Variants in GTF2F2 observed in about 807,000 individuals in gnomAD.
GTF2F2 encodes ATP-dependent helicase GTF2F2.
A neutral mutation model predicts 42.2 loss-of-function variants in GTF2F2; 23 were observed. That is an observed-to-expected ratio of 0.55 (90% CI 0.39 to 0.77). GTF2F2 has a LOEUF of 0.77. Among genes scored for constraint, GTF2F2 ranks in the 30% least tolerant of loss-of-function variants. The probability of loss-of-function intolerance (pLI) is 0.00; values close to 1 mark genes in which losing one functional copy is unlikely to be tolerated. For synonymous variants in GTF2F2, 105 were observed against 100.8 expected, an observed-to-expected ratio of 1.04 and a Z score of -0.25; for missense variants, 261 against 287.2, an observed-to-expected ratio of 0.91 and a Z score of 0.66.
At chr13:45,165,331 ATT>A (rs1555265772) in intron 4 of GTF2F2, among the ~76,000 whole-genome samples, 4 of 136,912 alleles carry the variant, frequency 2.9e-5, no homozygotes, top group Admixed American at 1.4e-4. Flanking sequence ...ATATATATAT[ATT>A]TTTTTTTTCT....
chr13:45,184,394 GC>G (rs869094095), intron 4 of GTF2F2, among the ~76,000 whole-genome samples: 1 of 144,922 alleles, frequency 6.9e-6, no homozygotes, highest in Non-Finnish European at 1.5e-5. Context: ...ATTCCCCCCC[GC>G]CCTTTTTTTT....
intron 4 of GTF2F2, among the ~76,000 whole-genome samples, chr13:45,197,151 A>T (rs1057207434): frequency 1.3e-5 from 2 of 151,794 alleles, no homozygotes; most frequent in Admixed American, 6.6e-5. Flanking sequence ...CCTGGCTTAT[A>T]CAAATCCATA....
At chr13:45,144,668 C>G (rs1488569237) in intron 2 of GTF2F2, among the ~76,000 whole-genome samples, 1 of 151,808 alleles carries the variant, frequency 6.6e-6, no homozygotes, top group African/African-American at 2.4e-5. Flanking sequence ...GTCTCGATCT[C>G]CTGACCTCGT....
At chr13:45,272,008 A>G (rs1163509889) in intron 7 of GTF2F2, among the ~76,000 whole-genome samples, 2 of 151,640 alleles carry the variant, frequency 1.3e-5, no homozygotes, top group African/African-American at 4.8e-5. Context: ...CCACTGACAT[A>G]TATTCACTTG....
chr13:45,249,580 C>A (rs913984255), intron 5 of GTF2F2, among the ~76,000 whole-genome samples: 1 of 152,064 alleles, frequency 6.6e-6, no homozygotes, highest in Non-Finnish European at 1.5e-5. Flanking sequence ...AATAAGCTAC[C>A]GTTTATAAAG....
At chr13:45,249,527 A>T (rs1293421090) in intron 5 of GTF2F2, among the ~76,000 whole-genome samples, 1 of 152,202 alleles carries the variant, frequency 6.6e-6, no homozygotes, top group Non-Finnish European at 1.5e-5. Flanking sequence ...CTGAGTCTGG[A>T]TGCAGTGGCT....
At chr13:45,279,037 G>GA (rs1877151045) in intron 7 of GTF2F2, among the ~76,000 whole-genome samples, 3 of 151,792 alleles carry the variant, frequency 2.0e-5, no homozygotes, top group Admixed American at 6.6e-5. Flanking sequence ...TTGGCCGGCT[G>GA]GTCTTGAATT....
intron 4 of GTF2F2, among the ~76,000 whole-genome samples, chr13:45,158,665 A>G (rs1870885818): frequency 1.3e-5 from 2 of 151,938 alleles, no homozygotes; most frequent in Admixed American, 6.5e-5. Context: ...TTCTTCCTTC[A>G]TTTAGACTTG....
At chr13:45,139,857 C>T (rs1161308707) in intron 2 of GTF2F2, among the ~76,000 whole-genome samples, 1 of 152,146 alleles carries the variant, frequency 6.6e-6, no homozygotes, top group Non-Finnish European at 1.5e-5. Flanking sequence ...TCAGTACCTG[C>T]AGGAGATTGG....
intron 6 of GTF2F2, among the ~76,000 whole-genome samples, chr13:45,256,802 A>AT (rs1284237173): frequency 3.3e-5 from 5 of 152,178 alleles, no homozygotes; most frequent in African/African-American, 1.2e-4. Context: ...TTAATAAAAA[A>AT]TTTTAACTCG....
chr13:45,127,638 GT>G (rs989683605), intron 1 of GTF2F2, among the ~76,000 whole-genome samples: 1 of 150,178 alleles, frequency 6.7e-6, no homozygotes, highest in Admixed American at 6.6e-5. Flanking sequence ...CCCTGGCCTT[GT>G]TTTTTTTTGG....
chr13:45,167,394 C>CTCTTT (rs1401944955), intron 4 of GTF2F2, among the ~76,000 whole-genome samples: 1 of 108,808 alleles, frequency 9.2e-6, no homozygotes, highest in Non-Finnish European at 2.0e-5. Flanking sequence ...TTTCACCCAG[C>CTCTTT]TATTTTTTTT....
chr13:45,269,035 C>T (rs1024410909), intron 7 of GTF2F2, among the ~76,000 whole-genome samples: 1 of 152,104 alleles, frequency 6.6e-6, no homozygotes, highest in African/African-American at 2.4e-5. Flanking sequence ...ATGAATTGTT[C>T]TGGGGAACAT....
At chr13:45,212,447 GTTTC>G (rs1555269188) in intron 5 of GTF2F2, among the ~76,000 whole-genome samples, 3 of 45,678 alleles carry the variant, frequency 6.6e-5, no homozygotes, top group Non-Finnish European at 1.3e-4. Context: ...TTTCTTTCTT[GTTTC>G]TTTCTTTCTT....
In GTF2F2 at chr13:45,267,783, C is replaced by G. The variant is rs138095228; in HGVS notation, c.630+407C>G. Among the ~76,000 whole-genome samples the G allele has an allele frequency of 2.7e-5, 4 of 147,632 alleles. No individual in the cohort carries two copies. The East Asian group carries it at 5.9e-4, about 22-fold the overall frequency. On this transcript the variant is annotated intron_variant, in intron 7 of 7. Transcript: ENST00000340473. ...GTTTTGTCATTGTGGGAGGGTTTATCCCTGTCTTGTGAATTGTTTTCTGTG... is the reference window on the plus strand; with the variant it reads ...GTTTTGTCATTGTGGGAGGGTTTATGCCTGTCTTGTGAATTGTTTTCTGTG...
In GTF2F2 at chr13:45,181,200, A is replaced by AAAAAAAAAC. The variant is rs766375703; in HGVS notation, c.305-26221_305-26220insAAAAACAAA. ...AAAAAACAAACAAACAAAAAAAAAA[A>AAAAAAAAAC]AAACCAGAAAAACCAAAGGTGATAT... is the stretch of plus-strand genomic sequence containing the variant. On this transcript the variant is annotated intron_variant, in intron 4 of 7. Coordinates refer to ENST00000340473, the MANE Select transcript of GTF2F2 (RefSeq NM_004128.3). 7.8e-4 allele frequency among the ~76,000 whole-genome samples: 103 copies of AAAAAAAAAC among 132,870 alleles called. 3 individuals carry two copies. Among genetic ancestry groups the AAAAAAAAAC allele is most frequent in the Middle Eastern group, 3.8e-3 (1 of 262 alleles). 87.2% of individuals were successfully genotyped at this position (132,870 alleles called of 152,430 possible).
intron 5 of GTF2F2, among the ~76,000 whole-genome samples, chr13:45,242,159 A>G (rs1400906027): frequency 1.3e-5 from 2 of 151,282 alleles, no homozygotes; most frequent in Non-Finnish European, 2.9e-5. Flanking sequence ...TATCTTTTTC[A>G]TATTAGTAAA....
intron 4 of GTF2F2, chr13:45,194,828 GTCTA>G: frequency 6.4e-6 from 3 of 466,496 alleles, no homozygotes; most frequent in Admixed American, 3.8e-5. Flanking sequence ...GGATTTTCAT[GTCTA>G]TCCTTTGAAG....
At chr13:45,124,010 T>A (rs1460300306) in intron 1 of GTF2F2, 10 of 1,101,986 alleles carry the variant, frequency 9.1e-6, no homozygotes, top group Non-Finnish European at 1.2e-5. Context: ...GGTCCAGGGG[T>A]CTTACTCCTT....
Sources: gnomAD v4.1 joint callset for allele counts (sites outside exome capture counted in the v4.1 genomes callset) on GRCh38, gnomAD v4.1.1 for gene constraint, MANE v1.5 for transcripts, NCBI Gene and HGNC (gene_info 2026-07-23, HGNC 2026-07-21) for gene names.